Variants in CPQ observed in about 807,000 individuals in gnomAD.
The protein encoded by CPQ is carboxypeptidase Q.
A neutral mutation model predicts 45.7 loss-of-function variants in CPQ; 37 were observed. The observed-to-expected ratio is 0.81, with a 90% confidence interval of 0.62 to 1.07. CPQ has a LOEUF of 1.07. Ranked by LOEUF, CPQ falls within the 50% of genes least tolerant of loss-of-function variation. CPQ has a pLI of 0.00. For synonymous variants in CPQ, 186 were observed against 205.8 expected (o/e 0.90, Z 0.82); for missense variants, 537 against 572.9 (o/e 0.94, Z 0.64).
At chr8:96,874,502 T>G (rs1419051150) in intron 3 of CPQ, among the ~76,000 whole-genome samples, 1 of 151,822 alleles carries the variant, frequency 6.6e-6, no homozygotes, top group Non-Finnish European at 1.5e-5. Flanking sequence ...AAATTTACTT[T>G]CTATCTAAAA....
chr8:96,926,584 C>CTTCTTCTTCTTCTTCTTCTTA (rs61123062), intron 4 of CPQ, among the ~76,000 whole-genome samples: 27 of 138,914 alleles, frequency 1.9e-4, no homozygotes, highest in African/African-American at 7.9e-4. Context: ...TCCTCTTCTT[C>CTTCTTCTTCTTCTTCTTCTTA]TTCTTCTTCT....
At chr8:96,798,199 G>A (rs1247624534) in intron 2 of CPQ, among the ~76,000 whole-genome samples, 1 of 151,928 alleles carries the variant, frequency 6.6e-6, no homozygotes, top group Non-Finnish European at 1.5e-5. Flanking sequence ...GCACAATCAT[G>A]GTTCACTGCA....
intron 1 of CPQ, among the ~76,000 whole-genome samples, chr8:96,648,429 T>G (rs1730138039): frequency 6.6e-6 from 1 of 152,254 alleles, no homozygotes; most frequent in Admixed American, 6.5e-5. Context: ...CCCATTCATG[T>G]GTTTGTTACA....
chr8:96,677,144 T>C (rs1809086357), intron 1 of CPQ, among the ~76,000 whole-genome samples: 2 of 151,850 alleles, frequency 1.3e-5, no homozygotes, highest in East Asian at 3.8e-4. Flanking sequence ...TGCATATGCA[T>C]GTGTCTTTTT....
At chr8:97,066,435 C>T (rs576201788) in intron 7 of CPQ, among the ~76,000 whole-genome samples, 2 of 152,148 alleles carry the variant, frequency 1.3e-5, no homozygotes, top group African/African-American at 4.8e-5. Context: ...ATTATAAGCT[C>T]CTCACTCCCA....
chr8:97,042,225 T>C lies in CPQ; in HGVS notation c.1053+12731T>C, dbSNP rs1001814091. ...TGGTTTAGTCTTGGGAGGGTGTATG[T>C]GTCGAGGAATTTATCCATTTCTTCT... On this transcript the variant is annotated intron_variant, in intron 6 of 7. Transcript: ENST00000220763. Among the ~76,000 whole-genome samples, 72 of 152,228 alleles carry C rather than the reference T, an allele frequency of 4.7e-4. 1 individual carries two copies. In the Middle Eastern group the frequency reaches 0.017, roughly 36 times the overall value.
chr8:96,888,451 A>G (rs1037636174), intron 4 of CPQ, among the ~76,000 whole-genome samples: 2 of 152,202 alleles, frequency 1.3e-5, no homozygotes, highest in Non-Finnish European at 2.9e-5. Flanking sequence ...TAAAGATGAA[A>G]TTTATCATCA....
chr8:96,922,367 G>A (rs191558388), intron 4 of CPQ, among the ~76,000 whole-genome samples: 42 of 152,258 alleles, frequency 2.8e-4, no homozygotes, highest in East Asian at 5.8e-4. Flanking sequence ...GATGATAAAC[G>A]CTTTTTGCAA....
chr8:96,996,543 CAAATTT>C (rs1809181784), intron 5 of CPQ, among the ~76,000 whole-genome samples: 1 of 152,000 alleles, frequency 6.6e-6, no homozygotes, highest in Non-Finnish European at 1.5e-5. Flanking sequence ...TTTATCCTAA[CAAATTT>C]AAGTTAGAAT....
At chr8:96,990,504 A>G (rs148526830) in intron 5 of CPQ, among the ~76,000 whole-genome samples, 251 of 152,306 alleles carry the variant, frequency 1.6e-3, no homozygotes, top group African/African-American at 5.7e-3. Context: ...AGGGTAAAAG[A>G]AGGGACAGGG....
intron 2 of CPQ, among the ~76,000 whole-genome samples, chr8:96,788,254 GT>G (rs1234690952): frequency 6.6e-6 from 1 of 151,394 alleles, no homozygotes; most frequent in African/African-American, 2.4e-5. Context: ...CATTTCCCCA[GT>G]TCAAGTGATT....
chr8:97,023,926 A>G (rs1022391433), intron 5 of CPQ, among the ~76,000 whole-genome samples: 51 of 152,072 alleles, frequency 3.4e-4, no homozygotes, highest in African/African-American at 1.2e-3. Context: ...GCTATATGGC[A>G]CCATTTGCAC....
chr8:96,817,324 C>T (rs1224784260), intron 2 of CPQ, among the ~76,000 whole-genome samples: 1 of 152,070 alleles, frequency 6.6e-6, no homozygotes, highest in African/African-American at 2.4e-5. Context: ...CATGGTGCTC[C>T]AAAACAATTA....
intron 1 of CPQ, among the ~76,000 whole-genome samples, chr8:96,711,689 T>G (rs1270217296): frequency 6.6e-6 from 1 of 152,138 alleles, no homozygotes; most frequent in Non-Finnish European, 1.5e-5. Context: ...TGGGGGTAAC[T>G]GCCCCCATGA....
chr8:96,862,285 TGTG>T (rs1297066893), intron 3 of CPQ, among the ~76,000 whole-genome samples: 7 of 28,676 alleles, frequency 2.4e-4, no homozygotes, highest in Non-Finnish European at 5.1e-4. Context: ...TTTTTGCATT[TGTG>T]TGTGTGTGTG....
At chr8:97,015,921 G>A (rs942027264) in intron 5 of CPQ, among the ~76,000 whole-genome samples, 44 of 151,946 alleles carry the variant, frequency 2.9e-4, no homozygotes, top group African/African-American at 7.2e-4. Flanking sequence ...ATTTTTGTAC[G>A]TACATATTTG....
intron 5 of CPQ, among the ~76,000 whole-genome samples, chr8:97,023,108 C>T (rs1024308304): frequency 3.0e-5 from 3 of 98,742 alleles, no homozygotes; most frequent in Non-Finnish European, 7.6e-5. Context: ...TATATATATA[C>T]ACACTATATA....
chr8:97,093,191 G>T (rs1563578024), intron 7 of CPQ, among the ~76,000 whole-genome samples: 1 of 152,122 alleles, frequency 6.6e-6, no homozygotes, highest in Non-Finnish European at 1.5e-5. Flanking sequence ...AAGTTGCAGA[G>T]AAAAAAGAAT....
At chr8:97,042,741 G>A (rs1400572700) in intron 6 of CPQ, among the ~76,000 whole-genome samples, 2 of 151,388 alleles carry the variant, frequency 1.3e-5, no homozygotes, top group African/African-American at 2.4e-5. Flanking sequence ...ATTTCGTTAT[G>A]TACCCAGTAG....
Sources: gnomAD v4.1 joint callset for allele counts (sites outside exome capture counted in the v4.1 genomes callset) on GRCh38, gnomAD v4.1.1 for gene constraint, MANE v1.5 for transcripts, NCBI Gene and HGNC (gene_info 2026-07-23, HGNC 2026-07-21) for gene names.